The following DNAJC13 variants were observed in gnomAD, a reference collection of about 807,000 sequenced individuals.
DNAJC13 encodes the protein dnaJ homolog subfamily C member 13.
DNAJC13 carries 75 observed loss-of-function variants against 290.5 expected under a neutral mutation model. The observed-to-expected ratio is 0.26, with a 90% CI of 0.21 to 0.31. DNAJC13 has a LOEUF of 0.31. DNAJC13 is among the 10% of genes least tolerant of loss of function. The pLI, the probability that DNAJC13 is intolerant of heterozygous loss-of-function variation, is 1.00. For missense variants in DNAJC13, 2,260 were observed against 2,674.5 expected (o/e 0.85, Z 3.42); for synonymous variants, 862 against 892.0 (o/e 0.97, Z 0.60).
chr3:132,527,124 T>A (rs544180590), intron 53 of DNAJC13, among the ~76,000 whole-genome samples: 2 of 152,230 alleles, frequency 1.3e-5, no homozygotes, highest in South Asian at 4.1e-4. Flanking sequence ...GTATTTGTAA[T>A]GGTAGATATG....
rs1934424037 is a variant in DNAJC13, at chr3:132,475,053, A to G, written c.2413A>G (p.Asn805Asp). 6.2e-7 allele frequency: 1 copy of G among 1,609,900 alleles called. No individual in the cohort carries two copies. ...FNIDRELGSANVISWNHHEFE... is the reference protein window; with the variant it reads ...FNIDRELGSADVISWNHHEFE... The stretch of plus-strand genomic sequence containing the variant: ...TATTGACAGAGAACTTGGAAGTGCA[A>G]ATGTGATCTCCTGGAACCACCATGA... Residue 805 changes from asparagine to aspartate, a missense_variant, in exon 22 of 56, where the codon AAT (asparagine) becomes GAT (aspartate). Transcript: ENST00000260818.
chr3:132,452,843 C>T (rs1000934864), intron 6 of DNAJC13, among the ~76,000 whole-genome samples: 5 of 152,214 alleles, frequency 3.3e-5, no homozygotes, highest in African/African-American at 9.7e-5. Flanking sequence ...TTTGTAACAT[C>T]GGTAGGCCAA....
At chr3:132,434,396 AAAC>A (rs1939323969) in intron 1 of DNAJC13, 139 bp from the exon 2 acceptor site, 13 of 506,290 alleles carry the variant, frequency 2.6e-5, no homozygotes, top group Non-Finnish European at 4.4e-5. Context: ...AAAAAAAAAA[AAAC>A]AAAACCTTAT....
chr3:132,520,129 C>T (rs755763747), intron 48 of DNAJC13, among the ~76,000 whole-genome samples: 1 of 152,024 alleles, frequency 6.6e-6, no homozygotes, highest in East Asian at 1.9e-4. Flanking sequence ...GGTGGTGACA[C>T]AGCCAAACCA....
chr3:132,470,537 G>A (rs1934168550), intron 20 of DNAJC13, among the ~76,000 whole-genome samples: 7 of 136,470 alleles, frequency 5.1e-5, no homozygotes, highest in African/African-American at 2.0e-4. Context: ...CGGGCAGAGG[G>A]GCTCCTCACT....
At chr3:132,505,948 G>T (rs1935569083) in intron 42 of DNAJC13, among the ~76,000 whole-genome samples, 1 of 151,078 alleles carries the variant, frequency 6.6e-6, no homozygotes, top group Admixed American at 6.6e-5. Flanking sequence ...TAGCGTTTTT[G>T]AGCTCATTCC....
At chr3:132,479,125 G>T in intron 24 of DNAJC13, 102 bp from the exon 25 acceptor site, 1 of 593,152 alleles carries the variant, frequency 1.7e-6, no homozygotes, top group Non-Finnish European at 3.0e-6. Flanking sequence ...TTATAAAATG[G>T]CATTACTTCT....
intron 2 of DNAJC13, among the ~76,000 whole-genome samples, chr3:132,437,014 G>T (rs146090162): frequency 6.6e-6 from 1 of 151,864 alleles, no homozygotes; most frequent in East Asian, 1.9e-4. Context: ...GAGTAGCTGG[G>T]ATTACAGGCA....
chr3:132,506,957 C>T (rs1344143228), intron 42 of DNAJC13, among the ~76,000 whole-genome samples: 4 of 152,104 alleles, frequency 2.6e-5, no homozygotes, highest in Non-Finnish European at 5.9e-5. Context: ...AAGAATAAAG[C>T]GTCATACTTG....
chr3:132,473,107 C>A (rs745500383), intron 20 of DNAJC13, 38 bp from the exon 21 acceptor site: 6 of 1,392,298 alleles, frequency 4.3e-6, no homozygotes, highest in African/African-American at 1.4e-5. Flanking sequence ...TATTTGGTAG[C>A]CCCAGATTGA....
At chr3:132,514,865 T>C (rs1935875328) in intron 46 of DNAJC13, 195 bp downstream of exon 46, 3 of 469,776 alleles carry the variant, frequency 6.4e-6, no homozygotes, top group Non-Finnish European at 1.1e-5. Context: ...AAGTTGAAAG[T>C]TGGGGGTGAG....
chr3:132,499,761 G>A lies in DNAJC13; in HGVS notation c.4369G>A (p.Val1457Met). 6.2e-7 allele frequency: 1 copy of A among 1,614,184 alleles called. No homozygotes were observed. Among genetic ancestry groups the A allele is most frequent in the Non-Finnish European group, 8.5e-7 (1 of 1,180,022 alleles). The change falls in exon 38 of 56, where the codon GTG becomes ATG. Residue 1457 changes from valine (V) to methionine (M), a missense_variant. By Grantham distance (21) the Val-to-Met change is conservative. Coordinates refer to ENST00000260818, the MANE Select transcript of DNAJC13 (RefSeq NM_015268.4). ...EVLQEAFSRC[V>M]AVLTRASKPS... is the part of the protein sequence containing the mutation. Reference sequence around the variant, plus strand: ...GTTACAAGAGGCATTTAGTCGCTGTGTGGCTGTCTTGACTCGTGCTAGTAA... The same window carrying A: ...GTTACAAGAGGCATTTAGTCGCTGTATGGCTGTCTTGACTCGTGCTAGTAA...
chr3:132,503,738 C>G (rs1429040910), intron 41 of DNAJC13, among the ~76,000 whole-genome samples: 1 of 152,134 alleles, frequency 6.6e-6, no homozygotes, highest in Non-Finnish European at 1.5e-5. Context: ...TTATTGTAAG[C>G]CATAGCTTAT....
At chr3:132,437,850 G>A (rs759046799) in intron 2 of DNAJC13, among the ~76,000 whole-genome samples, 11 of 151,800 alleles carry the variant, frequency 7.2e-5, no homozygotes, top group African/African-American at 2.7e-4. Flanking sequence ...AAAGACAGCT[G>A]CCCGGCCTGA....
At chr3:132,518,306 A>G (rs1299944924) in intron 48 of DNAJC13, among the ~76,000 whole-genome samples, 1 of 152,240 alleles carries the variant, frequency 6.6e-6, no homozygotes, top group Non-Finnish European at 1.5e-5. Context: ...TAGACAAAAC[A>G]CAAGTATCAA....
chr3:132,510,516 C>T (rs1471015364), intron 43 of DNAJC13, among the ~76,000 whole-genome samples: 1 of 152,124 alleles, frequency 6.6e-6, no homozygotes, highest in Non-Finnish European at 1.5e-5. Flanking sequence ...AGCCACTGCC[C>T]CTGGCTTGTA....
chr3:132,461,577 G>A (rs1003568138), intron 15 of DNAJC13, among the ~76,000 whole-genome samples: 5 of 152,138 alleles, frequency 3.3e-5, no homozygotes, highest in African/African-American at 1.2e-4. Context: ...TTATCATATT[G>A]GTACATTTTG....
chr3:132,455,091 G>A (rs921078566), intron 9 of DNAJC13, among the ~76,000 whole-genome samples: 3 of 152,028 alleles, frequency 2.0e-5, no homozygotes, highest in Admixed American at 6.5e-5. Flanking sequence ...AAGACAGATC[G>A]CAGGGAGAAA....
chr3:132,478,107 A>G lies in DNAJC13; in HGVS notation c.2676A>G (p.Thr892=). 1 of 1,611,686 alleles carries G rather than the reference A, an allele frequency of 6.2e-7. No homozygotes were observed. Among genetic ancestry groups the G allele is most frequent in the Non-Finnish European group, 8.5e-7 (1 of 1,179,314 alleles). ...GRCHEEIGPF[T]DTRYIIGMLE... The stretch of plus-strand genomic sequence containing the variant: ...GTCACGAAGAAATAGGACCTTTTAC[A>G]GATACCAGATATATCATTGGAATGT... The change falls in exon 24 of 56, where the codon ACA becomes ACG. Residue 892 remains threonine (T), a synonymous_variant. Coordinates refer to ENST00000260818, the MANE Select transcript of DNAJC13 (RefSeq NM_015268.4).
Sources: gnomAD v4.1 joint callset for allele counts (sites outside exome capture counted in the v4.1 genomes callset) on GRCh38, gnomAD v4.1.1 for gene constraint, MANE v1.5 for transcripts, NCBI Gene and HGNC (gene_info 2026-07-23, HGNC 2026-07-21) for gene names.